Variants in SENP5 observed in about 807,000 individuals in gnomAD.
SENP5 encodes the protein sentrin-specific protease 5.
Under a neutral mutation model 74.2 loss-of-function variants are expected in SENP5, and 21 were observed. That is an observed-to-expected ratio of 0.28 (90% confidence interval 0.20 to 0.41). The LOEUF (loss-of-function observed/expected upper bound fraction) is 0.41. SENP5 is among the 10% of genes least tolerant of loss of function. The pLI, the probability that SENP5 is intolerant of heterozygous loss-of-function variation, is 1.00. For missense variants in SENP5, 717 were observed against 889.1 expected (o/e 0.81, Z 2.46); for synonymous variants, 311 against 312.7 (o/e 0.99, Z 0.06).
chr3:196,881,200 A>G (rs1713713087), intron 1 of SENP5, among the ~76,000 whole-genome samples: 1 of 152,084 alleles, frequency 6.6e-6, no homozygotes, highest in Admixed American at 6.6e-5. Context: ...CACCCATCTC[A>G]GCCTCCCAAA....
chr3:196,884,614 C>T (rs1400346780), intron 1 of SENP5, among the ~76,000 whole-genome samples: 1 of 151,198 alleles, frequency 6.6e-6, no homozygotes, highest in Non-Finnish European at 1.5e-5. Flanking sequence ...GGACTGAACA[C>T]ATGTTTACCT....
At position 196,930,947 on chromosome 3, in the gene SENP5, T is replaced by C; in HGVS notation, c.*24T>C. On this transcript the variant is annotated 3_prime_UTR_variant, in exon 10 of 10. Coordinates refer to ENST00000323460, the MANE Select transcript of SENP5 (RefSeq NM_152699.5). ...GAAACTCAGCAGGGACTCTGGGAAG[T>C]CTGACCAAGTTGGAGCAGATGGTTT... The C allele has an allele frequency of 1.4e-6, 2 of 1,464,794 alleles. No homozygotes were observed. The highest frequency in any genetic ancestry group is 1.9e-6 in the Non-Finnish European group (2 of 1,043,980). 90.7% of individuals were successfully genotyped at this position (1,464,794 alleles called of 1,614,324 possible).
Position 196,885,611 on chromosome 3 carries a change from C to T in SENP5, c.430C>T (p.Pro144Ser). 1.9e-6 allele frequency: 3 copies of T among 1,614,144 alleles called. No homozygotes were observed. The highest frequency in any genetic ancestry group is 1.7e-6 in the Non-Finnish European group (2 of 1,180,034). The change falls in exon 2 of 10, where the codon CCA becomes TCA. Residue 144 changes from proline to serine, a missense_variant. Pro to Ser is a moderately conservative substitution (Grantham distance 74). Coordinates refer to ENST00000323460, the MANE Select transcript of SENP5 (RefSeq NM_152699.5). The stretch of plus-strand genomic sequence containing the variant: ...TCTCTTGAAGGCAGTTACTGACTTT[C>T]CATCAAATAGTGCTTTAGGTCAGGC... ...KNLLKAVTDF[P>S]SNSALGQANG... is the part of the protein sequence containing the mutation.
chr3:196,911,536 G>A (rs1161155851), intron 6 of SENP5, among the ~76,000 whole-genome samples: 12 of 148,122 alleles, frequency 8.1e-5, no homozygotes, highest in African/African-American at 3.0e-4. Context: ...CAGCCTGGGC[G>A]ACAGAGTGAG....
At chr3:196,921,657 A>G (rs972381026) in intron 6 of SENP5, among the ~76,000 whole-genome samples, 1 of 152,138 alleles carries the variant, frequency 6.6e-6, no homozygotes, top group Non-Finnish European at 1.5e-5. Context: ...CTGGAAAGGA[A>G]CATTGTTTAT....
intron 2 of SENP5, among the ~76,000 whole-genome samples, chr3:196,896,449 GA>G (rs1378335423): frequency 1.0e-5 from 1 of 98,962 alleles, no homozygotes; most frequent in East Asian, 2.0e-4. Context: ...CCATTTGATT[GA>G]CTGGTTGATT....
chr3:196,873,186 G>C (rs1414972573), intron 1 of SENP5, among the ~76,000 whole-genome samples: 1 of 149,318 alleles, frequency 6.7e-6, no homozygotes, highest in African/African-American at 2.5e-5. Flanking sequence ...CAATTGTCCT[G>C]CCTCAGCCTC....
intron 1 of SENP5, among the ~76,000 whole-genome samples, chr3:196,874,660 C>T (rs1713374507): frequency 6.6e-6 from 1 of 152,100 alleles, no homozygotes; most frequent in African/African-American, 2.4e-5. Context: ...TTGGGTGGAT[C>T]ACCTGAGGTC....
At chr3:196,900,494 T>A in intron 5 of SENP5, 82 bp downstream of exon 5, 1 of 1,116,736 alleles carries the variant, frequency 9.0e-7, no homozygotes, top group African/African-American at 1.6e-5. Context: ...ACATTTGATG[T>A]AATTATCTGA....
intron 6 of SENP5, among the ~76,000 whole-genome samples, chr3:196,916,882 C>T (rs919332705): frequency 7.2e-5 from 11 of 152,094 alleles, no homozygotes; most frequent in African/African-American, 2.7e-4. Flanking sequence ...ACCTGTAATC[C>T]CAGCATTTTG....
At position 196,886,295 on chromosome 3, in the gene SENP5, A is replaced by G; in HGVS notation, c.1114A>G (p.Ile372Val). ...SSPKWECTEL[I>V]HDIPLPEHRS... ...TCCTAAGTGGGAGTGTACAGAGCTG[A>G]TTCATGACATCCCCTTACCAGAACA... is the stretch of plus-strand genomic sequence containing the variant. The change falls in exon 2 of 10, where the codon ATT (isoleucine) becomes GTT (valine). Residue 372 changes from isoleucine to valine, a missense_variant. Ile to Val is a conservative substitution (Grantham distance 29). Coordinates refer to ENST00000323460, the MANE Select transcript of SENP5 (RefSeq NM_152699.5). 1 of 1,614,092 alleles carries G rather than the reference A, an allele frequency of 6.2e-7. No homozygotes were observed. Among genetic ancestry groups the G allele is most frequent in the Non-Finnish European group, 8.5e-7 (1 of 1,180,012 alleles).
intron 7 of SENP5, among the ~76,000 whole-genome samples, chr3:196,924,082 G>A (rs985657030): frequency 5.3e-5 from 8 of 152,142 alleles, no homozygotes; most frequent in African/African-American, 1.9e-4. Context: ...GCCCTAGGAA[G>A]AAATGTGGAA....
At chr3:196,868,878 T>TTTG (rs1372496623) in intron 1 of SENP5, among the ~76,000 whole-genome samples, 1 of 46,378 alleles carries the variant, frequency 2.2e-5, no homozygotes. Context: ...AGGTTCCTAC[T>TTTG]TATGTTTTTT....
At chr3:196,902,759 C>A (rs1461932772) in intron 5 of SENP5, among the ~76,000 whole-genome samples, 1 of 152,174 alleles carries the variant, frequency 6.6e-6, no homozygotes, top group Non-Finnish European at 1.5e-5. Flanking sequence ...AATTCAAAGC[C>A]AAGGACGCAG....
In SENP5 at chr3:196,889,578, T is replaced by A. The variant is rs1007591978; in HGVS notation, c.1513+2884T>A. The stretch of plus-strand genomic sequence containing the variant: ...TAGTAATAAAGGAAGCTTCCTTGAA[T>A]TACTAAAGAATATCAATCAGAAGCC... On this transcript the variant is annotated intron_variant, in intron 2 of 9. Transcript: ENST00000323460. 2.0e-4 allele frequency among the ~76,000 whole-genome samples: 30 copies of A among 152,314 alleles called. 1 individual carries two copies. Among genetic ancestry groups the A allele is most frequent in the Admixed American group, 1.1e-3 (17 of 15,294 alleles).
chr3:196,895,222 T>C (rs1384932987), intron 2 of SENP5, among the ~76,000 whole-genome samples: 100 of 148,884 alleles, frequency 6.7e-4, no homozygotes, highest in Non-Finnish European at 1.3e-3. Flanking sequence ...GACGGAGTCT[T>C]ACTCTGTCAC....
chr3:196,890,705 C>T (rs770217691), intron 2 of SENP5, among the ~76,000 whole-genome samples: 5 of 152,156 alleles, frequency 3.3e-5, no homozygotes, highest in Admixed American at 6.5e-5. Context: ...CATGAGTATG[C>T]CAGGAGATAA....
intron 1 of SENP5, among the ~76,000 whole-genome samples, chr3:196,880,146 A>G (rs1011200844): frequency 6.6e-6 from 1 of 151,992 alleles, no homozygotes; most frequent in African/African-American, 2.4e-5. Context: ...GGGTTTCTCT[A>G]TGTTGGCCAG....
Position 196,933,322 on chromosome 3 carries a change from A to G in SENP5, c.*2399A>G, listed in dbSNP as rs1246346374. ...GGAGCCACCGTGCCTGGCCAATGTT[A>G]AGTATTTTAAAAGTCATTTTAAAAT... On this transcript the variant is annotated 3_prime_UTR_variant, in exon 10 of 10. Transcript: ENST00000323460. 6.6e-6 allele frequency: 1 copy of G among 151,652 alleles called. No homozygotes were observed. The highest frequency in any genetic ancestry group is 1.5e-5 in the Non-Finnish European group (1 of 67,882). The allele number at this position is 151,652 out of a possible 1,614,324, so 9.4% of individuals were successfully genotyped here.
Sources: allele counts gnomAD v4.1 joint callset (sites outside exome capture counted in the v4.1 genomes callset), GRCh38; gene constraint gnomAD v4.1.1; transcripts MANE v1.5; gene names NCBI Gene and HGNC (gene_info 2026-07-23, HGNC 2026-07-21).